The following MYO10 variants were observed in gnomAD, a reference collection of about 807,000 sequenced individuals.
MYO10 encodes unconventional myosin-X.
A neutral mutation model predicts 257.3 loss-of-function variants in MYO10; 133 were observed. The observed-to-expected ratio is 0.52, with a 90% CI of 0.45 to 0.60. The LOEUF is 0.60. Ranked by LOEUF, MYO10 falls within the 20% of genes least tolerant of loss-of-function variation. The pLI is 0.00. For missense variants in MYO10, 2,399 were observed against 2,635.7 expected (o/e 0.91, Z 1.97); for synonymous variants, 1,104 against 1,028.6 (o/e 1.07, Z -1.40).
At chr5:16,826,585 G>A (rs1219537169) in intron 2 of MYO10, among the ~76,000 whole-genome samples, 3 of 152,208 alleles carry the variant, frequency 2.0e-5, no homozygotes, top group Non-Finnish European at 4.4e-5. Flanking sequence ...CTGTGCGGGA[G>A]GAAGGAGCGG....
At chr5:16,865,494 A>G (rs1170929531) in intron 2 of MYO10, among the ~76,000 whole-genome samples, 2 of 152,212 alleles carry the variant, frequency 1.3e-5, no homozygotes, top group African/African-American at 4.8e-5. Context: ...ATTATTTTGT[A>G]AAACAGTACA....
intron 19 of MYO10, among the ~76,000 whole-genome samples, chr5:16,720,747 C>T (rs976530381): frequency 7.2e-5 from 11 of 152,172 alleles, no homozygotes; most frequent in African/African-American, 2.2e-4. Context: ...CGTGAGCCAC[C>T]GCGCCCAGCC....
rs1212483243 is a variant in MYO10, at chr5:16,821,262, CTCCTATGTGTACA to C, written c.121-3108_121-3096del. Among the ~76,000 whole-genome samples, 148 of 148,626 alleles carry C rather than the reference CTCCTATGTGTACA, an allele frequency of 1.0e-3. 1 individual carries two copies. The highest frequency in any genetic ancestry group is 3.4e-3 in the African/African-American group (138 of 40,820). ...TGAAATGTGTACATCCTATGTGTAC[CTCCTATGTGTACA>C]TCCTATGTACACATTTCATTGTCTT... On this transcript the variant is annotated intron_variant, in intron 2 of 40. Transcript: ENST00000513610.
At chr5:16,850,809 C>CG (rs1321256526) in intron 2 of MYO10, among the ~76,000 whole-genome samples, 23 of 6,194 alleles carry the variant, frequency 3.7e-3, no homozygotes, top group African/African-American at 9.5e-3. Flanking sequence ...GGGTTACGGG[C>CG]GGGGGGGTGG....
chr5:16,774,711 G>A (rs187200919), intron 9 of MYO10, among the ~76,000 whole-genome samples: 3 of 152,152 alleles, frequency 2.0e-5, no homozygotes, highest in Admixed American at 1.3e-4. Context: ...GTGAGCCACC[G>A]TGCCCGGCCA....
At chr5:16,923,312 G>A (rs1746039766) in intron 1 of MYO10, among the ~76,000 whole-genome samples, 1 of 148,102 alleles carries the variant, frequency 6.8e-6, no homozygotes, top group African/African-American at 2.5e-5. Context: ...TTTTGAGGCG[G>A]AATCTCGCTC....
chr5:16,865,090 T>C (rs187257018), intron 2 of MYO10, among the ~76,000 whole-genome samples: 365 of 152,276 alleles, frequency 2.4e-3, no homozygotes, highest in Non-Finnish European at 3.6e-3. Context: ...GTCTTTTTCA[T>C]ACAGCTGCAA....
chr5:16,843,518 T>C (rs535031326), intron 2 of MYO10, among the ~76,000 whole-genome samples: 31 of 152,178 alleles, frequency 2.0e-4, no homozygotes, highest in South Asian at 2.1e-4. Context: ...CAGGCAGGGC[T>C]AGGAGTCTAG....
intron 19 of MYO10, among the ~76,000 whole-genome samples, chr5:16,747,918 C>CAAAAAAAAAAAAAAAAAAAAAAAAAAAA (rs777257950): frequency 6.6e-5 from 2 of 30,480 alleles, no homozygotes; most frequent in East Asian, 4.5e-3. Context: ...AACTCCGTCT[C>CAAAAAAAAAAAAAAAAAAAAAAAAAAAA]AAAAAAAAAA....
At chr5:16,706,863 A>G (rs917947558) in intron 21 of MYO10, among the ~76,000 whole-genome samples, 3 of 152,226 alleles carry the variant, frequency 2.0e-5, no homozygotes, top group African/African-American at 7.2e-5. Flanking sequence ...AAATGCTTTT[A>G]GGGACCTGTC....
chr5:16,925,196 T>G (rs1445723792), intron 1 of MYO10, among the ~76,000 whole-genome samples: 1 of 152,146 alleles, frequency 6.6e-6, no homozygotes, highest in Non-Finnish European at 1.5e-5. Flanking sequence ...ATTTGGCCAT[T>G]ACACTTAACA....
rs371042891 is a variant in MYO10 at position 16,848,155 on chromosome 5, C to CTTTTTTTTTTTTT, written c.120+29441_120+29453dup. Reference sequence around the variant, plus strand: ...TGATTAAGCAAAGAACTACACATTTCTTTTTTTTTTTTTTTTTTGTGAGAG... The same window carrying CTTTTTTTTTTTTT: ...TGATTAAGCAAAGAACTACACATTTCTTTTTTTTTTTTTTTTTTTTTTTTTTTTTTTGTGAGAG... On this transcript the variant is annotated intron_variant, in intron 2 of 40. Coordinates refer to ENST00000513610, the MANE Select transcript of MYO10 (RefSeq NM_012334.3). 2.1e-3 allele frequency among the ~76,000 whole-genome samples: 239 copies of CTTTTTTTTTTTTT among 113,530 alleles called. 5 individuals are homozygous for CTTTTTTTTTTTTT. The highest frequency in any genetic ancestry group is 2.5e-3 in the Non-Finnish European group (143 of 58,152). 74.5% of individuals were successfully genotyped at this position (113,530 alleles called of 152,430 possible).
intron 40 of MYO10, among the ~76,000 whole-genome samples, 196 bp downstream of exon 40, chr5:16,668,081 C>T (rs1473387075): frequency 6.6e-6 from 1 of 151,834 alleles, no homozygotes; most frequent in Non-Finnish European, 1.5e-5. Flanking sequence ...CAAAAGTATA[C>T]AAAAAAAATA....
chr5:16,699,757 A>G lies in MYO10; in HGVS notation c.3433-184T>C, dbSNP rs574527193. 1.3e-4 allele frequency: 55 copies of G among 412,974 alleles called. No homozygotes were observed. The East Asian group carries it at 2.8e-3, about 21-fold the overall frequency. 25.6% of individuals were successfully genotyped at this position (412,974 alleles called of 1,614,324 possible). ...AGCAGAGATCGTGCCACTGCACTCC[A>G]GCCTGGGCAACAGAGCAAGCCTCAG... is the stretch of plus-strand genomic sequence containing the variant. On this transcript the variant is annotated intron_variant, in intron 25 of 40. Coordinates refer to ENST00000513610, the MANE Select transcript of MYO10 (RefSeq NM_012334.3).
At chr5:16,685,981 T>G (rs910896006) in intron 28 of MYO10, 150 bp from the exon 29 acceptor site, 7 of 636,706 alleles carry the variant, frequency 1.1e-5, no homozygotes, top group Non-Finnish European at 2.0e-5. Flanking sequence ...GTCAGTTTCA[T>G]TACCAAAGAA....
At chr5:16,760,439 T>G (rs1036873131) in intron 17 of MYO10, among the ~76,000 whole-genome samples, 2 of 147,268 alleles carry the variant, frequency 1.4e-5, no homozygotes, top group Non-Finnish European at 3.0e-5. Context: ...CCAGTCTGGG[T>G]GACAGAACGA....
intron 27 of MYO10, among the ~76,000 whole-genome samples, chr5:16,691,227 G>A (rs1383101343): frequency 3.4e-5 from 5 of 148,264 alleles, no homozygotes; most frequent in Admixed American, 1.4e-4. Context: ...CTGAGATCGC[G>A]CCACTGCACT....
intron 19 of MYO10, among the ~76,000 whole-genome samples, chr5:16,720,261 AC>A (rs1561208399): frequency 6.6e-6 from 1 of 152,110 alleles, no homozygotes; most frequent in South Asian, 2.1e-4. Flanking sequence ...TGAGCATCAC[AC>A]CGACAGTAAG....
At chr5:16,822,341 A>G (rs1426436056) in intron 2 of MYO10, among the ~76,000 whole-genome samples, 1 of 152,246 alleles carries the variant, frequency 6.6e-6, no homozygotes, top group South Asian at 2.1e-4. Flanking sequence ...TCATTCAAGC[A>G]AATTTTTAAA....
Sources: gnomAD v4.1 joint callset for allele counts (sites outside exome capture counted in the v4.1 genomes callset) on GRCh38, gnomAD v4.1.1 for gene constraint, MANE v1.5 for transcripts, NCBI Gene and HGNC (gene_info 2026-07-23, HGNC 2026-07-21) for gene names.